Variants in SORCS3 observed in about 807,000 individuals in gnomAD.
The protein encoded by SORCS3 is VPS10 domain-containing receptor SorCS3.
SORCS3 carries 57 observed loss-of-function variants against 146.3 expected under a neutral mutation model. The observed-to-expected ratio is 0.39, with a 90% CI of 0.31 to 0.49. The LOEUF (loss-of-function observed/expected upper bound fraction) is 0.49, where lower values mean the gene tolerates loss of function less well. Ranked by LOEUF, SORCS3 falls within the 20% of genes least tolerant of loss-of-function variation. SORCS3 has a pLI of 0.92. For synonymous variants in SORCS3, 653 were observed against 618.5 expected (o/e 1.06, Z -0.83); for missense variants, 1,341 against 1,575.5 (o/e 0.85, Z 2.52).
At chr10:104,951,536 G>T (rs1417079843) in intron 3 of SORCS3, among the ~76,000 whole-genome samples, 1 of 151,626 alleles carries the variant, frequency 6.6e-6, no homozygotes, top group East Asian at 1.9e-4. Flanking sequence ...TAGAGATGAG[G>T]GTCTCGCTAT....
At chr10:104,664,259 T>C (rs140689808) in intron 1 of SORCS3, among the ~76,000 whole-genome samples, 20 of 152,206 alleles carry the variant, frequency 1.3e-4, no homozygotes, top group African/African-American at 4.6e-4. Flanking sequence ...CTGGAGTGCA[T>C]TGTGAGCAAT....
rs185376970 is a variant in SORCS3, at chr10:105,055,390, C to T, written c.1028+12262C>T. ...TGATGTGAGTAAGGATAAACACCTG[C>T]GGGGATATTTGGGATCTAAATAAAA... is the stretch of plus-strand genomic sequence containing the variant. On this transcript the variant is annotated intron_variant, in intron 5 of 26. Transcript: ENST00000369701. Among the ~76,000 whole-genome samples the T allele has an allele frequency of 5.9e-5, 9 of 152,164 alleles. No homozygotes were observed. In the South Asian group the frequency reaches 6.2e-4, roughly 11 times the overall value.
intron 1 of SORCS3, among the ~76,000 whole-genome samples, chr10:104,689,363 G>A (rs544870456): frequency 5.9e-5 from 9 of 152,308 alleles, no homozygotes; most frequent in Admixed American, 2.6e-4. Context: ...TTCTGCTTAC[G>A]TTGCCCATGT....
At chr10:105,117,538 C>T (rs929246558) in intron 7 of SORCS3, among the ~76,000 whole-genome samples, 1 of 152,130 alleles carries the variant, frequency 6.6e-6, no homozygotes, top group Non-Finnish European at 1.5e-5. Flanking sequence ...CTTTAGCTTA[C>T]TCATCCCTAT....
intron 1 of SORCS3, among the ~76,000 whole-genome samples, chr10:104,667,725 C>T (rs894430687): frequency 3.3e-5 from 5 of 152,150 alleles, no homozygotes; most frequent in Admixed American, 6.5e-5. Context: ...GCTTGTTTGT[C>T]GTTGTTTGCA....
chr10:105,096,365 C>A (rs2055746951), intron 6 of SORCS3, among the ~76,000 whole-genome samples: 1 of 152,176 alleles, frequency 6.6e-6, no homozygotes, highest in African/African-American at 2.4e-5. Context: ...CCATTTCTGA[C>A]AAGCTCTCAG....
At chr10:104,826,834 G>A (rs764040121) in intron 1 of SORCS3, among the ~76,000 whole-genome samples, 2 of 152,196 alleles carry the variant, frequency 1.3e-5, no homozygotes, top group Non-Finnish European at 2.9e-5. Context: ...TTTCAGAATT[G>A]AAGTCAATCT....
At chr10:104,648,031 G>T (rs761121433) in intron 1 of SORCS3, among the ~76,000 whole-genome samples, 1 of 152,202 alleles carries the variant, frequency 6.6e-6, no homozygotes, top group Admixed American at 6.5e-5. Context: ...TGGTCCTGCC[G>T]ACATGCTTTG....
chr10:105,182,230 C>CTTTTTTTTTGTTTTTTTT (rs2056446852), intron 14 of SORCS3, among the ~76,000 whole-genome samples: 1 of 70,486 alleles, frequency 1.4e-5, no homozygotes, highest in Non-Finnish European at 2.7e-5. Flanking sequence ...TATTCAGCAT[C>CTTTTTTTTTGTTTTTTTT]TTTTTTTTTT....
At chr10:104,853,733 C>A (rs978921151) in intron 2 of SORCS3, among the ~76,000 whole-genome samples, 1 of 152,212 alleles carries the variant, frequency 6.6e-6, no homozygotes, top group Non-Finnish European at 1.5e-5. Flanking sequence ...TGATCAGCAG[C>A]AGGGCGGCAC....
intron 3 of SORCS3, among the ~76,000 whole-genome samples, chr10:104,960,456 T>C (rs1418892103): frequency 5.9e-5 from 9 of 152,100 alleles, no homozygotes; most frequent in African/African-American, 1.9e-4. Context: ...CTGGTGAGTG[T>C]CTTCTTGCTG....
Position 105,105,504 on chromosome 10 carries a change from A to C in SORCS3, c.1201A>C (p.Ile401Leu), listed in dbSNP as rs1048444381. 3.6e-5 allele frequency: 58 copies of C among 1,609,976 alleles called. No individual in the cohort carries two copies. Among genetic ancestry groups the C allele is most frequent in the Non-Finnish European group, 4.7e-5 (55 of 1,176,456 alleles). The change falls in exon 7 of 27, where the codon ATC becomes CTC. Residue 401 changes from isoleucine (I) to leucine (L), a missense_variant. Coordinates refer to ENST00000369701, the MANE Select transcript of SORCS3 (RefSeq NM_014978.3). ...TTCCCTGGTTGTCCAGGATGAATAT[A>C]TCTTCATTCAGGTGAGTACAGAAAG... is the stretch of plus-strand genomic sequence containing the variant. ...ISSLVVQDEY[I>L]FIQVTTSGRA... is the part of the protein sequence containing the mutation.
chr10:105,190,808 C>G (rs2056512710), intron 14 of SORCS3, among the ~76,000 whole-genome samples: 1 of 152,160 alleles, frequency 6.6e-6, no homozygotes, highest in Non-Finnish European at 1.5e-5. Flanking sequence ...GGCACACTGT[C>G]TGCCCACAAA....
intron 1 of SORCS3, among the ~76,000 whole-genome samples, chr10:104,649,769 T>A (rs193065162): frequency 6.6e-6 from 1 of 152,226 alleles, no homozygotes; most frequent in South Asian, 2.1e-4. Context: ...ATTCATTAGA[T>A]GATTACACTA....
At chr10:105,127,808 G>A (rs2055986917) in intron 7 of SORCS3, among the ~76,000 whole-genome samples, 1 of 152,138 alleles carries the variant, frequency 6.6e-6, no homozygotes, top group African/African-American at 2.4e-5. Context: ...ACTCCAACTG[G>A]GAAATTGGGG....
chr10:104,683,376 A>G (rs2016003039), intron 1 of SORCS3, among the ~76,000 whole-genome samples: 1 of 152,206 alleles, frequency 6.6e-6, no homozygotes, highest in Non-Finnish European at 1.5e-5. Context: ...ATGCTTTGAA[A>G]TGAATCCTCA....
intron 1 of SORCS3, among the ~76,000 whole-genome samples, chr10:104,649,285 G>A (rs1380191401): frequency 6.6e-6 from 1 of 152,072 alleles, no homozygotes; most frequent in Non-Finnish European, 1.5e-5. Context: ...GTGTGACATT[G>A]GGCAAGTTGT....
chr10:105,261,112 G>A (rs1326899875), intron 25 of SORCS3, among the ~76,000 whole-genome samples: 2 of 152,098 alleles, frequency 1.3e-5, no homozygotes, highest in African/African-American at 4.8e-5. Flanking sequence ...TGCCTACATG[G>A]GGCTGTTAGT....
At chr10:105,161,412 C>G (rs1285543577) in intron 11 of SORCS3, among the ~76,000 whole-genome samples, 1 of 152,196 alleles carries the variant, frequency 6.6e-6, no homozygotes, top group East Asian at 1.9e-4. Context: ...TGCCTTCCAC[C>G]TGCCCTTCAG....
Sources: allele counts gnomAD v4.1 joint callset (sites outside exome capture counted in the v4.1 genomes callset), GRCh38; gene constraint gnomAD v4.1.1; transcripts MANE v1.5; gene names NCBI Gene and HGNC (gene_info 2026-07-23, HGNC 2026-07-21).